Variants in MDGA2 observed in about 807,000 individuals in gnomAD.
MDGA2 encodes the protein MAM domain-containing glycosylphosphatidylinositol anchor protein 2.
Under a neutral mutation model 117.8 loss-of-function variants are expected in MDGA2, and 40 were observed. The ratio of observed to expected loss-of-function variants is 0.34; its 90% CI spans 0.26 to 0.44. MDGA2 has a LOEUF of 0.44. Ranked by LOEUF, MDGA2 falls within the 20% of genes least tolerant of loss-of-function variation. The pLI, the probability that MDGA2 is intolerant of heterozygous loss-of-function variation, is 1.00. For synonymous variants in MDGA2, 452 were observed against 439.0 expected, an observed-to-expected ratio of 1.03 and a Z score of -0.37; for missense variants, 1,123 against 1,250.6, an observed-to-expected ratio of 0.90 and a Z score of 1.54.
At chr14:47,001,641 T>C (rs551271416) in intron 8 of MDGA2, among the ~76,000 whole-genome samples, 5 of 152,184 alleles carry the variant, frequency 3.3e-5, no homozygotes, top group Admixed American at 1.3e-4. Flanking sequence ...CCTGAACAAA[T>C]GAAACTGCAA....
chr14:47,438,184 T>A (rs1205467589), intron 1 of MDGA2, among the ~76,000 whole-genome samples: 1 of 152,174 alleles, frequency 6.6e-6, no homozygotes, highest in Non-Finnish European at 1.5e-5. Context: ...GTGCATTGAT[T>A]TAGCTTCCTA....
chr14:47,116,589 A>C (rs1203549160), intron 5 of MDGA2, among the ~76,000 whole-genome samples: 1 of 152,072 alleles, frequency 6.6e-6, no homozygotes, highest in African/African-American at 2.4e-5. Context: ...CAGAATAGAG[A>C]GCCCAGAAAC....
At chr14:47,474,937 C>T (rs1173860892) in intron 1 of MDGA2, among the ~76,000 whole-genome samples, 4 of 151,968 alleles carry the variant, frequency 2.6e-5, no homozygotes, top group Middle Eastern at 3.2e-3. Context: ...GATTTCATGA[C>T]GAAAATGCCA....
At chr14:47,359,687 G>T (rs1487442603) in intron 1 of MDGA2, among the ~76,000 whole-genome samples, 3 of 140,928 alleles carry the variant, frequency 2.1e-5, no homozygotes, top group Non-Finnish European at 4.5e-5. Context: ...AGAGGTGGAG[G>T]TTGCAGTGAG....
intron 1 of MDGA2, among the ~76,000 whole-genome samples, chr14:47,572,123 C>A (rs1292890217): frequency 1.3e-5 from 2 of 152,156 alleles, no homozygotes; most frequent in South Asian, 4.1e-4. Flanking sequence ...GAATCTGAGG[C>A]TATTCAATCC....
chr14:47,508,213 C>T (rs1049722994), intron 1 of MDGA2, among the ~76,000 whole-genome samples: 1 of 152,172 alleles, frequency 6.6e-6, no homozygotes, highest in Non-Finnish European at 1.5e-5. Flanking sequence ...ATTTCCAGTT[C>T]CTTACACTAT....
intron 1 of MDGA2, among the ~76,000 whole-genome samples, chr14:47,629,290 A>G (rs1038359173): frequency 6.6e-6 from 1 of 152,234 alleles, no homozygotes; most frequent in Non-Finnish European, 1.5e-5. Flanking sequence ...ATTAATAGCA[A>G]TTCTGATTCA....
intron 1 of MDGA2, among the ~76,000 whole-genome samples, chr14:47,335,464 G>C (rs1484703010): frequency 6.6e-6 from 1 of 151,192 alleles, no homozygotes; most frequent in Non-Finnish European, 1.5e-5. Context: ...ATAATGCAAA[G>C]ATCCTGAGAG....
chr14:47,144,815 ATT>A (rs60842690), intron 3 of MDGA2, among the ~76,000 whole-genome samples: 1 of 130,428 alleles, frequency 7.7e-6, no homozygotes. Flanking sequence ...TGCCCGGCTA[ATT>A]TTTTTTTTTT....
intron 3 of MDGA2, among the ~76,000 whole-genome samples, chr14:47,167,195 A>G (rs1448669365): frequency 6.6e-6 from 1 of 151,980 alleles, no homozygotes; most frequent in African/African-American, 2.4e-5. Context: ...CCAGACTATT[A>G]TTGCTGAAGT....
At chr14:47,318,860 T>A (rs1889893043) in intron 1 of MDGA2, among the ~76,000 whole-genome samples, 1 of 150,904 alleles carries the variant, frequency 6.6e-6, no homozygotes, top group Non-Finnish European at 1.5e-5. Context: ...AATTCTTGAA[T>A]ATGTGCAAAC....
intron 9 of MDGA2, among the ~76,000 whole-genome samples, chr14:46,936,699 A>G (rs1379430726): frequency 6.6e-6 from 1 of 152,102 alleles, no homozygotes; most frequent in Non-Finnish European, 1.5e-5. Context: ...TAGACACAGA[A>G]GAAGCATTTG....
chr14:46,898,235 G>A (rs1353417595), intron 10 of MDGA2, among the ~76,000 whole-genome samples: 1 of 152,022 alleles, frequency 6.6e-6, no homozygotes, highest in African/African-American at 2.4e-5. Flanking sequence ...GAGAACGAGA[G>A]TTTATTTTGG....
chr14:47,341,227 T>G (rs548492668), intron 1 of MDGA2, among the ~76,000 whole-genome samples: 1 of 152,156 alleles, frequency 6.6e-6, no homozygotes, highest in Non-Finnish European at 1.5e-5. Context: ...TTTCACATAA[T>G]AGTGTTGGCT....
chr14:47,401,527 C>G (rs1221538925), intron 1 of MDGA2, among the ~76,000 whole-genome samples: 2 of 152,146 alleles, frequency 1.3e-5, no homozygotes, highest in Non-Finnish European at 2.9e-5. Context: ...TTTTTACCAA[C>G]AAATTCTGTT....
chr14:47,397,347 G>A (rs1253822693), intron 1 of MDGA2, among the ~76,000 whole-genome samples: 3 of 152,118 alleles, frequency 2.0e-5, no homozygotes, highest in African/African-American at 7.2e-5. Flanking sequence ...GGGACTAGGG[G>A]AGGGATAGCA....
At chr14:47,320,695 T>C (rs2139873802) in intron 1 of MDGA2, among the ~76,000 whole-genome samples, 2 of 152,308 alleles carry the variant, frequency 1.3e-5, no homozygotes, top group South Asian at 4.1e-4. Flanking sequence ...ACTTGAATTT[T>C]CCAAGTGAAG....
chr14:47,674,696 T>A lies in MDGA2; in HGVS notation c.101A>T (p.His34Leu). 3.7e-6 allele frequency: 4 copies of A among 1,084,772 alleles called. No homozygotes were observed. The highest frequency in any genetic ancestry group is 5.5e-6 in the Non-Finnish European group (4 of 722,576). 67.2% of individuals were successfully genotyped at this position (1,084,772 alleles called of 1,614,324 possible). The change falls in exon 1 of 17, where the codon CAC becomes CTC. Residue 34 changes from histidine to leucine, a missense_variant. His to Leu is a moderately conservative substitution (Grantham distance 99, BLOSUM62 -3). Around this residue, in one of 2 missense-constraint regions of MDGA2, gnomAD observed 233 missense variants for 200.3 expected, o/e 1.16. Coordinates refer to ENST00000399232, the MANE Select transcript of MDGA2 (RefSeq NM_001113498.3). ...RFLLRRAVPG[H>L]LGLARARVER... ...CACTCGCGCCCGGGCCAAGCCGAGGTGCCCGGGAACCGCTCGCCGAAGGAG... is the reference window on the plus strand; with the variant it reads ...CACTCGCGCCCGGGCCAAGCCGAGGAGCCCGGGAACCGCTCGCCGAAGGAG...
intron 1 of MDGA2, among the ~76,000 whole-genome samples, chr14:47,533,276 C>T (rs17758502): frequency 0.31 from 47,675 of 151,954 alleles, 8,406 homozygotes; most frequent in East Asian, 0.59. Flanking sequence ...CTGAGACATG[C>T]GCCAATTAGA....
Sources: gnomAD v4.1 joint callset for allele counts (sites outside exome capture counted in the v4.1 genomes callset) on GRCh38, gnomAD v4.1.1 for gene constraint, gnomAD v4.1.1 regional missense constraint, MANE v1.5 for transcripts, NCBI Gene and HGNC (gene_info 2026-07-23, HGNC 2026-07-21) for gene names.